Variants in PDZD8 observed in about 807,000 individuals in gnomAD.
PDZD8 encodes the protein PDZ domain-containing protein 8.
PDZD8 carries 14 observed loss-of-function variants against 85.8 expected under a neutral mutation model. The ratio of observed to expected loss-of-function variants is 0.16; its 90% confidence interval spans 0.11 to 0.26. The LOEUF (loss-of-function observed/expected upper bound fraction) is 0.26. PDZD8 is among the 10% of genes least tolerant of loss of function. The probability of loss-of-function intolerance (pLI) is 1.00; values close to 1 mark genes in which losing one functional copy is unlikely to be tolerated. For synonymous variants in PDZD8, 592 were observed against 568.6 expected (o/e 1.04, Z -0.59); for missense variants, 1,197 against 1,424.3 (o/e 0.84, Z 2.57).
chr10:117,347,235 C>T (rs985812817), intron 1 of PDZD8, among the ~76,000 whole-genome samples: 1 of 152,080 alleles, frequency 6.6e-6, no homozygotes, highest in African/African-American at 2.4e-5. Context: ...TGATAAGAAA[C>T]GTTTTACAAC....
intron 1 of PDZD8, among the ~76,000 whole-genome samples, chr10:117,348,472 G>T (rs1038021537): frequency 2.0e-5 from 3 of 152,126 alleles, no homozygotes; most frequent in Admixed American, 2.0e-4. Context: ...GTTAATCCGC[G>T]ATGGCTTCCA....
chr10:117,278,551 A>C lies in PDZD8; in HGVS notation c.*4717T>G, dbSNP rs1395854841. On this transcript the variant is annotated 3_prime_UTR_variant, in exon 5 of 5. Coordinates refer to ENST00000334464, the MANE Select transcript of PDZD8 (RefSeq NM_173791.5). ...TCATTTTGTTAAGAGATATGACTGGAGTGTGCAGTGTGGAATGTCTCTAAT... is the reference window on the plus strand; with the variant it reads ...TCATTTTGTTAAGAGATATGACTGGCGTGTGCAGTGTGGAATGTCTCTAAT... The C allele has an allele frequency of 6.6e-6, 1 of 152,168 alleles. No individual in the cohort carries two copies. Among genetic ancestry groups the C allele is most frequent in the East Asian group, 1.9e-4 (1 of 5,194 alleles). 9.4% of individuals were successfully genotyped at this position (152,168 alleles called of 1,614,324 possible). A position where few individuals can be genotyped will look rare whatever the true frequency, so the allele number is the denominator to read the frequency against.
chr10:117,291,537 A>AT (rs1413002072), intron 3 of PDZD8, among the ~76,000 whole-genome samples: 1 of 150,546 alleles, frequency 6.6e-6, no homozygotes, highest in Non-Finnish European at 1.5e-5. Flanking sequence ...TCAGAAAAAA[A>AT]AAAAGAGTTA....
intron 1 of PDZD8, among the ~76,000 whole-genome samples, chr10:117,352,805 C>T (rs752640161): frequency 6.6e-6 from 1 of 152,106 alleles, no homozygotes; most frequent in African/African-American, 2.4e-5. Context: ...CTGGCCACAC[C>T]ACAGGGGAGA....
At chr10:117,371,173 G>GTTTA (rs1218616534) in intron 1 of PDZD8, among the ~76,000 whole-genome samples, 2 of 152,062 alleles carry the variant, frequency 1.3e-5, no homozygotes, top group South Asian at 2.1e-4. Context: ...TCACCAGTTT[G>GTTTA]TTTATTTATT....
At chr10:117,294,336 AAAAAAAAAAC>A (rs1480139675) in intron 3 of PDZD8, among the ~76,000 whole-genome samples, 24 of 130,000 alleles carry the variant, frequency 1.8e-4, no homozygotes, top group African/African-American at 5.7e-4. Context: ...ACAAAAAAAA[AAAAAAAAAAC>A]AAAAAAACAA....
chr10:117,334,157 C>T (rs1435899444), intron 2 of PDZD8, among the ~76,000 whole-genome samples: 1 of 152,158 alleles, frequency 6.6e-6, no homozygotes, highest in African/African-American at 2.4e-5. Context: ...TAGACAGAAG[C>T]CTGCTTTGAG....
At chr10:117,340,307 G>A (rs1347783878) in intron 2 of PDZD8, among the ~76,000 whole-genome samples, 4 of 152,150 alleles carry the variant, frequency 2.6e-5, no homozygotes, top group Non-Finnish European at 5.9e-5. Context: ...AGGCCCATCT[G>A]TCCAGTTTCA....
intron 1 of PDZD8, among the ~76,000 whole-genome samples, chr10:117,358,925 T>C (rs117512067): frequency 6.6e-6 from 1 of 152,294 alleles, no homozygotes; most frequent in Non-Finnish European, 1.5e-5. Flanking sequence ...ACATGTCAGG[T>C]AGCAAACTTC....
At chr10:117,293,636 G>A (rs985505277) in intron 3 of PDZD8, among the ~76,000 whole-genome samples, 2 of 152,020 alleles carry the variant, frequency 1.3e-5, no homozygotes, top group African/African-American at 4.8e-5. Context: ...GGTATAACTT[G>A]GTTTCTTCAT....
At chr10:117,292,578 GT>G (rs5788222) in intron 3 of PDZD8, among the ~76,000 whole-genome samples, 73,081 of 149,018 alleles carry the variant, frequency 0.49, 18,760 homozygotes, top group Non-Finnish European at 0.57. Flanking sequence ...TTTGGAATGT[GT>G]TTTTTTTTTT....
rs1180448816 is a variant in PDZD8 at position 117,278,425 on chromosome 10, T to C, written c.*4843A>G. ...TCTAAAAATGTATGTGCTAACTATA[T>C]CATCCAGTGTGCAGTGTTGTGTATT... is the stretch of plus-strand genomic sequence containing the variant. On this transcript the variant is annotated 3_prime_UTR_variant, in exon 5 of 5. Transcript: ENST00000334464. 1.3e-5 allele frequency: 2 copies of C among 152,108 alleles called. No homozygotes were observed. The highest frequency in any genetic ancestry group is 1.3e-4 in the Admixed American group (2 of 15,280). 9.4% of individuals were successfully genotyped at this position (152,108 alleles called of 1,614,324 possible). A position where few individuals can be genotyped will look rare whatever the true frequency, so the allele number is the denominator to read the frequency against.
chr10:117,327,975 A>G (rs1275911661), intron 2 of PDZD8, among the ~76,000 whole-genome samples: 3 of 152,220 alleles, frequency 2.0e-5, no homozygotes, highest in Non-Finnish European at 2.9e-5. Context: ...TTACCACTCT[A>G]ATAAAATAAC....
At chr10:117,364,572 T>C (rs1210544796) in intron 1 of PDZD8, among the ~76,000 whole-genome samples, 1 of 151,624 alleles carries the variant, frequency 6.6e-6, no homozygotes, top group Non-Finnish European at 1.5e-5. Context: ...TAACATAATA[T>C]GTTGAAAGGT....
chr10:117,322,837 A>G (rs1844249178), intron 2 of PDZD8, among the ~76,000 whole-genome samples: 1 of 152,182 alleles, frequency 6.6e-6, no homozygotes, highest in Non-Finnish European at 1.5e-5. Flanking sequence ...GTCAGTTAAC[A>G]TAAAGTTGTC....
intron 3 of PDZD8, chr10:117,314,288 T>C (rs1219310644): frequency 2.0e-5 from 3 of 152,102 alleles, no homozygotes; most frequent in Non-Finnish European, 4.4e-5. Flanking sequence ...GATTACACTT[T>C]GATGAGAAAA....
rs1406831972 is a variant in PDZD8, at chr10:117,375,174, C to G, written c.54G>C (p.Thr18=). The change falls in exon 1 of 5, where the codon ACG becomes ACC. Residue 18 remains threonine (T), a synonymous_variant. Transcript: ENST00000334464. ...LASAVLGSFL[T]LLAQFFLLYR... ...ACAGCAGGAAGAACTGGGCGAGGAGCGTGAGGAAGGAACCCAGCACGGCCG... is the reference window on the plus strand; with the variant it reads ...ACAGCAGGAAGAACTGGGCGAGGAGGGTGAGGAAGGAACCCAGCACGGCCG... The G allele has an allele frequency of 1.3e-6, 2 of 1,580,096 alleles. No homozygotes were observed. Among genetic ancestry groups the G allele is most frequent in the South Asian group, 1.1e-5 (1 of 88,680 alleles).
Position 117,375,394 on chromosome 10 carries a change from G to T in PDZD8, c.-167C>A. The T allele has an allele frequency of 2.9e-6, 1 of 341,530 alleles. No homozygotes were observed. The highest frequency in any genetic ancestry group is 5.1e-6 in the Non-Finnish European group (1 of 195,994). 21.2% of individuals were successfully genotyped at this position (341,530 alleles called of 1,614,324 possible). ...CGGGCCGGCGCGCTGCGGCGCCCGAGCCCGCAGCGGCCCGCGCCTCCTCAG... is the reference window on the plus strand; with the variant it reads ...CGGGCCGGCGCGCTGCGGCGCCCGATCCCGCAGCGGCCCGCGCCTCCTCAG... On this transcript the variant is annotated 5_prime_UTR_variant, in exon 1 of 5. Coordinates refer to ENST00000334464, the MANE Select transcript of PDZD8 (RefSeq NM_173791.5).
chr10:117,368,669 A>G (rs1389795810), intron 1 of PDZD8, among the ~76,000 whole-genome samples: 2 of 152,154 alleles, frequency 1.3e-5, no homozygotes, highest in Non-Finnish European at 2.9e-5. Context: ...AGATCAGTGA[A>G]GTAAATGCTT....
Sources: allele counts gnomAD v4.1 joint callset (sites outside exome capture counted in the v4.1 genomes callset), GRCh38; gene constraint gnomAD v4.1.1; transcripts MANE v1.5; gene names NCBI Gene and HGNC (gene_info 2026-07-23, HGNC 2026-07-21).